SNRPN: variants seen among roughly 807,000 people sequenced by gnomAD.
SNRPN encodes small nuclear ribonucleoprotein polypeptide N, also known as small nuclear ribonucleoprotein-associated protein N.
A neutral mutation model predicts 25.2 loss-of-function variants in SNRPN; 7 were observed. The observed-to-expected ratio is 0.28, with a 90% confidence interval of 0.16 to 0.52. The LOEUF (loss-of-function observed/expected upper bound fraction) is 0.52. Among genes scored for constraint, SNRPN ranks in the 20% least tolerant of loss-of-function variants. SNRPN has a pLI of 0.96. For missense variants in SNRPN, 196 were observed against 322.5 expected (o/e 0.61, Z 3.00); for synonymous variants, 124 against 110.6 (o/e 1.12, Z -0.76).
At chr15:24,875,969 G>T (rs995696087) in intron 1 of SNRPN, among the ~76,000 whole-genome samples, 2 of 151,472 alleles carry the variant, frequency 1.3e-5, no homozygotes, top group Non-Finnish European at 2.9e-5. Context: ...CAGGAGAATC[G>T]CTTGAACCTG....
intron 2 of SNRPN, among the ~76,000 whole-genome samples, chr15:24,906,427 A>G (rs936593793): frequency 1.3e-5 from 2 of 152,116 alleles, no homozygotes; most frequent in African/African-American, 4.8e-5. Flanking sequence ...GCCACCGTAC[A>G]TGGCTGGAAA....
At chr15:24,878,648 C>T (rs970653000) in intron 1 of SNRPN, among the ~76,000 whole-genome samples, 10 of 152,258 alleles carry the variant, frequency 6.6e-5, no homozygotes, top group African/African-American at 2.2e-4. Context: ...GTTGTTTTCC[C>T]ATGAAAAATT....
upstream of SNRPN, among the ~76,000 whole-genome samples, chr15:24,954,387 C>T (rs74341132): frequency 0.04 from 6,058 of 152,174 alleles, 413 homozygotes; most frequent in African/African-American, 0.14. Context: ...GTTGAATGAT[C>T]TATCCATTCC....
intron 2 of SNRPN, among the ~76,000 whole-genome samples, chr15:24,903,961 G>A (rs1310112076): frequency 6.6e-6 from 1 of 151,790 alleles, no homozygotes; most frequent in Non-Finnish European, 1.5e-5. Context: ...CTGAGCCCAG[G>A]AGGTGGCAGT....
At chr15:24,967,535 G>A (rs924854002) in intron 2 of SNRPN, among the ~76,000 whole-genome samples, 2 of 151,970 alleles carry the variant, frequency 1.3e-5, no homozygotes, top group East Asian at 1.9e-4. Flanking sequence ...TCAGCTACTC[G>A]GGAGGCTGAC....
intron 1 of SNRPN, among the ~76,000 whole-genome samples, chr15:24,959,635 T>A (rs187638996): frequency 6.6e-6 from 1 of 152,320 alleles, no homozygotes; most frequent in African/African-American, 2.4e-5. Flanking sequence ...GTTGATAGTT[T>A]CTTTAATTGT....
At position 24,962,970 on chromosome 15, in the gene SNRPN, A is replaced by G. The variant is rs540451071; in HGVS notation, c.-295+761A>G. Among the ~76,000 whole-genome samples the G allele has an allele frequency of 4.7e-5, 7 of 149,504 alleles. No homozygotes were observed. The South Asian group carries it at 1.5e-3, about 31-fold the overall frequency. On this transcript the variant is annotated intron_variant, in intron 2 of 9. Coordinates refer to ENST00000390687, the MANE Select transcript of SNRPN (RefSeq NM_003097.6). ...TTCTTTTTGTAAAACAGTTTTGCATAAAAAGTAAGTCTCATTTTAAAGCAA... is the reference window on the plus strand; with the variant it reads ...TTCTTTTTGTAAAACAGTTTTGCATGAAAAGTAAGTCTCATTTTAAAGCAA...
At chr15:24,935,883 C>A (rs1488480280) in intron 3 of SNRPN, among the ~76,000 whole-genome samples, 1 of 152,066 alleles carries the variant, frequency 6.6e-6, no homozygotes, top group African/African-American at 2.4e-5. Context: ...CTTTGGGAGG[C>A]CAAGGTGGGT....
chr15:24,920,344 C>G (rs747974881), intron 3 of SNRPN: 8 of 152,096 alleles, frequency 5.3e-5, no homozygotes, highest in African/African-American at 1.2e-4. Flanking sequence ...TTGCTTTTCT[C>G]CGGTTACTTT....
At chr15:24,833,699 A>T (rs1459522603) in intron 2 of SNRPN, among the ~76,000 whole-genome samples, 1 of 104,444 alleles carries the variant, frequency 9.6e-6, no homozygotes, top group Non-Finnish European at 2.1e-5. Context: ...GAGAATGAAC[A>T]GACCCAGGAG....
intron 2 of SNRPN, among the ~76,000 whole-genome samples, chr15:24,835,396 AT>A (rs993535692): frequency 1.3e-5 from 2 of 151,812 alleles, no homozygotes; most frequent in African/African-American, 4.8e-5. Flanking sequence ...AATTACCTTA[AT>A]TTTGTAGAAG....
At chr15:24,869,556 C>T (rs571206547) in intron 1 of SNRPN, among the ~76,000 whole-genome samples, 1 of 152,146 alleles carries the variant, frequency 6.6e-6, no homozygotes, top group African/African-American at 2.4e-5. Flanking sequence ...ATGACATTAA[C>T]ATCCCCAATT....
In SNRPN at chr15:24,869,699, A is replaced by G. The variant is rs1595571488; in HGVS notation, c.-579+12983A>G. On this transcript the variant is annotated intron_variant, in intron 1 of 11. Coordinates refer to the SNRPN transcript ENST00000400097. ...CTATCAACATGATTCATGCCTGTTGATAGCAATTTGATTACCTGGACAAGT... is the reference window on the plus strand; with the variant it reads ...CTATCAACATGATTCATGCCTGTTGGTAGCAATTTGATTACCTGGACAAGT... 3.3e-5 allele frequency among the ~76,000 whole-genome samples: 5 copies of G among 152,314 alleles called. No homozygotes were observed. The South Asian group carries it at 1.0e-3, about 32-fold the overall frequency.
intron 1 of SNRPN, among the ~76,000 whole-genome samples, chr15:24,875,649 T>A (rs1392937100): frequency 6.6e-6 from 1 of 152,168 alleles, no homozygotes; most frequent in East Asian, 1.9e-4. Flanking sequence ...CTGGGCATGG[T>A]AGCTCACACC....
intron 3 of SNRPN, among the ~76,000 whole-genome samples, chr15:24,943,555 G>A (rs1212988277): frequency 6.6e-6 from 1 of 152,064 alleles, no homozygotes; most frequent in Non-Finnish European, 1.5e-5. Flanking sequence ...CAGCTGGGCT[G>A]GTAAGATAAC....
intron 2 of SNRPN, among the ~76,000 whole-genome samples, chr15:24,831,531 A>G (rs1303713406): frequency 1.3e-5 from 2 of 152,000 alleles, no homozygotes; most frequent in Non-Finnish European, 2.9e-5. Flanking sequence ...AATGCAATTT[A>G]TTGTTAACTA....
chr15:24,886,031 A>C (rs2057177231), intron 1 of SNRPN, among the ~76,000 whole-genome samples: 3 of 151,954 alleles, frequency 2.0e-5, no homozygotes. Context: ...AGGATGTGTA[A>C]AAAATTTTAT....
intron 3 of SNRPN, among the ~76,000 whole-genome samples, chr15:24,945,211 G>C (rs543198686): frequency 6.6e-6 from 1 of 152,106 alleles, no homozygotes; most frequent in African/African-American, 2.4e-5. Flanking sequence ...AAATGGCTGT[G>C]GCTGTGTTCC....
chr15:24,945,900 G>A (rs2153121120), intron 3 of SNRPN, among the ~76,000 whole-genome samples: 1 of 152,284 alleles, frequency 6.6e-6, no homozygotes, highest in South Asian at 2.1e-4. Flanking sequence ...GACAGATGGT[G>A]CATGTAGGCA....
Sources: allele counts gnomAD v4.1 joint callset (sites outside exome capture counted in the v4.1 genomes callset), GRCh38; gene constraint gnomAD v4.1.1; transcripts MANE v1.5; gene names NCBI Gene and HGNC (gene_info 2026-07-23, HGNC 2026-07-21).